The following UTRN variants were observed in gnomAD, a reference collection of about 807,000 sequenced individuals.
UTRN encodes utrophin.
A neutral mutation model predicts 463.9 loss-of-function variants in UTRN; 283 were observed. The ratio of observed to expected loss-of-function variants is 0.61; its 90% CI spans 0.55 to 0.67. UTRN has a LOEUF of 0.67. UTRN is among the 30% of genes least tolerant of loss of function. UTRN has a pLI of 0.00. For missense variants in UTRN, 3,922 were observed against 4,084.3 expected, an observed-to-expected ratio of 0.96 and a Z score of 1.08; for synonymous variants, 1,442 against 1,431.5, an observed-to-expected ratio of 1.01 and a Z score of -0.17.
chr6:144,566,372 T>C (rs531807529), intron 50 of UTRN, among the ~76,000 whole-genome samples: 5 of 152,250 alleles, frequency 3.3e-5, no homozygotes, highest in Admixed American at 2.6e-4. Context: ...TTTATATTAT[T>C]AAATGTAAGG....
intron 51 of UTRN, among the ~76,000 whole-genome samples, chr6:144,630,430 G>A (rs1776387501): frequency 6.6e-6 from 1 of 152,228 alleles, no homozygotes; most frequent in African/African-American, 2.4e-5. Flanking sequence ...CACAATCGTG[G>A]TGGAAGGCAA....
At chr6:144,414,667 C>T (rs1199829517) in intron 3 of UTRN, among the ~76,000 whole-genome samples, 1 of 151,932 alleles carries the variant, frequency 6.6e-6, no homozygotes, top group Non-Finnish European at 1.5e-5. Context: ...AATTTCTAGT[C>T]CTGTACGCAC....
chr6:144,631,457 T>A (rs1318216980), intron 51 of UTRN, among the ~76,000 whole-genome samples: 1 of 152,176 alleles, frequency 6.6e-6, no homozygotes, highest in Non-Finnish European at 1.5e-5. Flanking sequence ...GCTCTTAAAG[T>A]ACTCTTGGCT....
Position 144,317,895 on chromosome 6 carries a change from A to T in UTRN, c.79+25988A>T, listed in dbSNP as rs75304323. Among the ~76,000 whole-genome samples, 1,273 of 152,352 alleles carry T rather than the reference A, an allele frequency of 8.4e-3. 79 individuals are homozygous for T. In the East Asian group the frequency reaches 0.16, roughly 19 times the overall value. Reference sequence around the variant, plus strand: ...CTGCTCTCACAGTCAGTAAATCTGAACATAAGCATTTCTTTCTGGGCTTTG... The same window carrying T: ...CTGCTCTCACAGTCAGTAAATCTGATCATAAGCATTTCTTTCTGGGCTTTG... On this transcript the variant is annotated intron_variant, in intron 2 of 74. Coordinates refer to ENST00000367545, the MANE Select transcript of UTRN (RefSeq NM_007124.3).
chr6:144,751,133 T>C (rs771787604), intron 55 of UTRN, among the ~76,000 whole-genome samples: 8 of 152,170 alleles, frequency 5.3e-5, no homozygotes, highest in Non-Finnish European at 1.0e-4. Context: ...AGTGGAAACA[T>C]GTTAAAATCA....
chr6:144,794,266 T>A (rs898127559), intron 63 of UTRN, among the ~76,000 whole-genome samples: 10 of 152,206 alleles, frequency 6.6e-5, no homozygotes, highest in Non-Finnish European at 1.5e-5. Flanking sequence ...CCTCATCTCC[T>A]ACCATTCCTC....
chr6:144,614,649 C>G (rs1046476043), intron 51 of UTRN, among the ~76,000 whole-genome samples: 6 of 152,120 alleles, frequency 3.9e-5, no homozygotes, highest in Admixed American at 2.6e-4. Flanking sequence ...TTCCTTTGGC[C>G]TGTGGTGCTT....
intron 10 of UTRN, among the ~76,000 whole-genome samples, chr6:144,436,406 T>A (rs993855859): frequency 1.3e-5 from 2 of 152,200 alleles, no homozygotes; most frequent in Non-Finnish European, 2.9e-5. Flanking sequence ...ACTGCTCAGT[T>A]CTGAAGTGCA....
chr6:144,758,204 TA>T (rs1792223269), intron 58 of UTRN: 1 of 360,076 alleles, frequency 2.8e-6, no homozygotes, highest in Non-Finnish European at 5.0e-6. Flanking sequence ...TTAGCTGATA[TA>T]TTTTAAAGTA....
At chr6:144,385,720 T>C (rs1781353365) in intron 2 of UTRN, among the ~76,000 whole-genome samples, 1 of 149,818 alleles carries the variant, frequency 6.7e-6, no homozygotes, top group African/African-American at 2.5e-5. Flanking sequence ...TTTTTTTTTT[T>C]TCTTTTGAGA....
intron 65 of UTRN, among the ~76,000 whole-genome samples, chr6:144,818,360 C>G (rs1779264626): frequency 6.7e-6 from 1 of 148,526 alleles, no homozygotes; most frequent in Non-Finnish European, 1.5e-5. Flanking sequence ...TTTATGAATT[C>G]ACTGAAAACC....
At chr6:144,658,506 G>C (rs1311883115) in intron 51 of UTRN, among the ~76,000 whole-genome samples, 1 of 152,056 alleles carries the variant, frequency 6.6e-6, no homozygotes, top group Non-Finnish European at 1.5e-5. Context: ...CAACTCATTA[G>C]CCCTTTAGGA....
chr6:144,799,019 C>T (rs1030702821), intron 64 of UTRN, among the ~76,000 whole-genome samples: 3 of 152,334 alleles, frequency 2.0e-5, no homozygotes, highest in South Asian at 4.1e-4. Context: ...GGATTACAGG[C>T]GTGAGCCGCC....
intron 65 of UTRN, among the ~76,000 whole-genome samples, chr6:144,815,342 C>T (rs1354934554): frequency 6.6e-6 from 1 of 152,152 alleles, no homozygotes; most frequent in African/African-American, 2.4e-5. Context: ...TTAGGCAGGG[C>T]TGTCTAGAGG....
chr6:144,480,156 G>A (rs1470705021), intron 26 of UTRN, among the ~76,000 whole-genome samples, 174 bp downstream of exon 26: 1 of 152,330 alleles, frequency 6.6e-6, no homozygotes, highest in Non-Finnish European at 1.5e-5. Flanking sequence ...AGCAGGGGAA[G>A]AAAGCCAGGA....
chr6:144,298,230 T>A (rs1386205129), intron 2 of UTRN, among the ~76,000 whole-genome samples: 3 of 152,216 alleles, frequency 2.0e-5, no homozygotes, highest in Admixed American at 2.0e-4. Flanking sequence ...ATTTGAAATG[T>A]GAGGCAGTAT....
At chr6:144,450,097 T>C (rs976396139) in intron 17 of UTRN, among the ~76,000 whole-genome samples, 1 of 152,184 alleles carries the variant, frequency 6.6e-6, no homozygotes, top group African/African-American at 2.4e-5. Context: ...TTCGTCTTCC[T>C]TCCCACTGTT....
At chr6:144,351,191 T>G (rs1397381542) in intron 2 of UTRN, among the ~76,000 whole-genome samples, 1 of 152,180 alleles carries the variant, frequency 6.6e-6, no homozygotes, top group Non-Finnish European at 1.5e-5. Context: ...TTTGTAAAAT[T>G]TTTTGAACAT....
intron 43 of UTRN, 91 bp from the exon 44 acceptor site, chr6:144,537,491 A>G: frequency 2.4e-6 from 2 of 836,638 alleles, no homozygotes; most frequent in Non-Finnish European, 3.3e-6. Context: ...ATTTTGGGAA[A>G]TATTTAGTCA....
Sources: gnomAD v4.1 joint callset for allele counts (sites outside exome capture counted in the v4.1 genomes callset) on GRCh38, gnomAD v4.1.1 for gene constraint, MANE v1.5 for transcripts, NCBI Gene and HGNC (gene_info 2026-07-23, HGNC 2026-07-21) for gene names.